Variants in BRWD1 observed in about 807,000 individuals in gnomAD.
BRWD1 encodes the protein bromodomain and WD repeat-containing protein 1.
In BRWD1, 82 loss-of-function variants were observed where a neutral mutation model predicts 251.2. The observed-to-expected ratio is 0.33, with a 90% CI of 0.27 to 0.39. The LOEUF (loss-of-function observed/expected upper bound fraction) is 0.39. BRWD1 is among the 10% of genes least tolerant of loss of function. The pLI is 1.00. For synonymous variants in BRWD1, 918 were observed against 902.8 expected (o/e 1.02, Z -0.30); for missense variants, 2,233 against 2,711.6 (o/e 0.82, Z 3.92).
rs1476113599 is a variant in BRWD1, at chr21:39,232,483, T to C, written c.2782A>G (p.Thr928Ala). 1 of 1,587,612 alleles carries C rather than the reference T, an allele frequency of 6.3e-7. No homozygotes were observed. The highest frequency in any genetic ancestry group is 1.4e-5 in the African/African-American group (1 of 73,132). Residue 928 changes from threonine (T) to alanine (A), a missense_variant, in exon 24 of 41, where the codon ACT becomes GCT. Thr to Ala is a moderately conservative substitution (Grantham distance 58, BLOSUM62 0). Coordinates refer to ENST00000342449, the MANE Select transcript of BRWD1 (RefSeq NM_033656.4). The part of the protein sequence containing the change: ...KPKKENLRRM[T>A]PAELANMEHL... The stretch of plus-strand genomic sequence containing the variant: ...TCCATATTTGCAAGCTCTGCTGGAG[T>C]CATCCTCCGCAAATTCTACCAAGGG...
chr21:39,197,509 T>C, intron 40 of BRWD1, 94 bp from the exon 41 acceptor site: 1 of 1,020,512 alleles, frequency 9.8e-7, no homozygotes, highest in Non-Finnish European at 1.4e-6. Context: ...TCGTATTAAT[T>C]TGAAGGGGGT....
At position 39,228,673 on chromosome 21, in the gene BRWD1, C is replaced by T. The variant is rs530389510; in HGVS notation, c.3126-91G>A. Reference sequence around the variant, plus strand: ...CTGTCCAAAAGAAACATGAGATCTACGAATGTAATTTTTAATTTTCAACCA... The same window carrying T: ...CTGTCCAAAAGAAACATGAGATCTATGAATGTAATTTTTAATTTTCAACCA... On this transcript the variant is annotated intron_variant, in intron 26 of 40. Coordinates refer to ENST00000342449, the MANE Select transcript of BRWD1 (RefSeq NM_033656.4). The T allele has an allele frequency of 8.8e-5, 55 of 624,346 alleles. No individual in the cohort carries two copies. The South Asian group carries it at 1.2e-3, about 14-fold the overall frequency. The allele number at this position is 624,346 out of a possible 1,614,324, so 38.7% of individuals were successfully genotyped here. A position where few individuals can be genotyped will look rare whatever the true frequency, so the allele number is the denominator to read the frequency against.
At chr21:39,286,082 T>C (rs533482615) in intron 8 of BRWD1, among the ~76,000 whole-genome samples, 1 of 145,218 alleles carries the variant, frequency 6.9e-6, no homozygotes, top group Admixed American at 7.2e-5. Context: ...TGGTGCGATC[T>C]CGGCTCACTG....
intron 8 of BRWD1, among the ~76,000 whole-genome samples, chr21:39,283,974 G>A (rs1185061610): frequency 2.0e-5 from 3 of 152,058 alleles, no homozygotes; most frequent in Admixed American, 1.3e-4. Flanking sequence ...ACAATCTCAT[G>A]TGTCTACTTC....
At chr21:39,205,566 G>A (rs1361973673) in intron 37 of BRWD1, among the ~76,000 whole-genome samples, 1 of 152,068 alleles carries the variant, frequency 6.6e-6, no homozygotes, top group Non-Finnish European at 1.5e-5. Context: ...GAGCTCAGGA[G>A]TTCGAGACCA....
chr21:39,212,588 G>C (rs2032707719), intron 34 of BRWD1, 78 bp downstream of exon 34: 1 of 1,208,352 alleles, frequency 8.3e-7, no homozygotes, highest in East Asian at 2.4e-5. Flanking sequence ...ACTTTTCAAA[G>C]ACAAAAACTA....
intron 4 of BRWD1, among the ~76,000 whole-genome samples, chr21:39,305,429 T>C (rs2036255337): frequency 2.0e-5 from 3 of 152,114 alleles, no homozygotes; most frequent in Admixed American, 2.0e-4. Flanking sequence ...CTACTCTCTT[T>C]TAAGGTAGCA....
chr21:39,310,000 T>C (rs2036427190), intron 4 of BRWD1, among the ~76,000 whole-genome samples: 1 of 152,196 alleles, frequency 6.6e-6, no homozygotes, highest in African/African-American at 2.4e-5. Flanking sequence ...TCCAACACAT[T>C]AACCAGTGAA....
chr21:39,225,146 A>G lies in BRWD1; in HGVS notation c.3260T>C (p.Leu1087Ser), dbSNP rs1334382426. Residue 1087 changes from leucine (L) to serine (S), a missense_variant, in exon 28 of 41, where the codon TTA (leucine) becomes TCA (serine). Coordinates refer to ENST00000342449, the MANE Select transcript of BRWD1 (RefSeq NM_033656.4). ...IDDAWWFGTV[L>S]SQEPYQPQYP... Reference sequence around the variant, plus strand: ...CTGTGGTTGATATGGCTCTTGACTTAACACTGTTCCAAACCACCAAGCATC... The same window carrying G: ...CTGTGGTTGATATGGCTCTTGACTTGACACTGTTCCAAACCACCAAGCATC... 12 of 1,613,538 alleles carry G rather than the reference A, an allele frequency of 7.4e-6. No individual in the cohort carries two copies. Among genetic ancestry groups the G allele is most frequent in the Non-Finnish European group, 1.0e-5 (12 of 1,179,708 alleles).
rs544985610 is a variant in BRWD1, at chr21:39,264,507, T to C, written c.1838A>G (p.Asn613Ser). The part of the protein sequence containing the change: ...KYQRLVPGRE[N>S]SADEHLIPQL... ...TGGAATCAAATGTTCATCTGCAGAA[T>C]TTTCTCGGCCTGGTACTAATCTCTG... Residue 613 changes from asparagine to serine, a missense_variant, in exon 17 of 41, where the codon AAT (asparagine) becomes AGT (serine). This residue lies in a region of BRWD1 where 315 missense variants were observed against 421.8 expected (regional missense o/e 0.75). Transcript: ENST00000342449. 1.3e-4 allele frequency: 208 copies of C among 1,611,920 alleles called. 2 individuals are homozygous for C. In the South Asian group the frequency reaches 2.2e-3, roughly 17 times the overall value.
At chr21:39,248,397 A>G (rs1017326686) in intron 20 of BRWD1, among the ~76,000 whole-genome samples, 2 of 151,994 alleles carry the variant, frequency 1.3e-5, no homozygotes, top group Non-Finnish European at 2.9e-5. Flanking sequence ...AGATCACTTG[A>G]GCCCAGGAGT....
rs1332500914 is a variant in BRWD1, at chr21:39,232,407, C to G, written c.2858G>C (p.Arg953Thr). The G allele has an allele frequency of 6.3e-7, 1 of 1,592,672 alleles. No homozygotes were observed. Among genetic ancestry groups the G allele is most frequent in the Non-Finnish European group, 8.5e-7 (1 of 1,174,848 alleles). The change falls in exon 24 of 41, where the codon AGA becomes ACA. Residue 953 changes from arginine (R) to threonine (T), a missense_variant. This residue lies in a region of BRWD1 where 139 missense variants were observed against 272.8 expected (regional missense o/e 0.51). Transcript: ENST00000342449. ...PPVWITDTTL[R>T]KSPFVPQMGD... ...CATTTGAGGAACAAAAGGAGATTTT[C>G]TAAGTGTGGTGTCAGTAATCCAAAC...
chr21:39,312,706 C>A, intron 4 of BRWD1, 135 bp downstream of exon 4: 1 of 481,180 alleles, frequency 2.1e-6, no homozygotes. Context: ...CAGCCGGGAA[C>A]GCAGCTATCC....
intron 4 of BRWD1, among the ~76,000 whole-genome samples, chr21:39,311,906 A>AC (rs1253350927): frequency 6.6e-6 from 1 of 152,142 alleles, no homozygotes; most frequent in Non-Finnish European, 1.5e-5. Context: ...ACCATACTCT[A>AC]CCACTCAAGT....
In BRWD1 at chr21:39,293,798, G is replaced by T; in HGVS notation, c.831+13C>A. 1 of 1,604,542 alleles carries T rather than the reference G, an allele frequency of 6.2e-7. No individual in the cohort carries two copies. Among genetic ancestry groups the T allele is most frequent in the Non-Finnish European group, 8.5e-7 (1 of 1,171,758 alleles). ...ATACATATAGGAATGTGCCCACTAA[G>T]CTACAAGTTTACCTGTAAAGATGTA... On this transcript the variant is annotated intron_variant, in intron 8 of 40. Transcript: ENST00000342449.
chr21:39,295,822 T>A lies in BRWD1; in HGVS notation c.530A>T (p.Lys177Ile), dbSNP rs1206420579. The change falls in exon 7 of 41, where the codon AAA (lysine) becomes ATA (isoleucine). Residue 177 changes from lysine (K) to isoleucine (I), a missense_variant. Lys to Ile is a moderately radical substitution (Grantham distance 102, BLOSUM62 -3). Coordinates refer to ENST00000342449, the MANE Select transcript of BRWD1 (RefSeq NM_033656.4). ...AFPGTMYQHI[K>I]MHRRILGHLS... ...ATGTCCGAGAATCCTTCTGTGCATT[T>A]TTATATGCTGATACATAGTTCCTGG... The A allele has an allele frequency of 6.2e-7, 1 of 1,612,482 alleles. No individual in the cohort carries two copies. The highest frequency in any genetic ancestry group is 1.7e-5 in the Admixed American group (1 of 59,950).
upstream of BRWD1, among the ~76,000 whole-genome samples, chr21:39,317,571 G>A (rs574797616): frequency 2.6e-5 from 4 of 152,344 alleles, no homozygotes; most frequent in African/African-American, 9.6e-5. Flanking sequence ...CACAAACACT[G>A]CAAAGTCCAT....
chr21:39,303,519 CAAAAAAAAAA>C (rs34013314), intron 4 of BRWD1, among the ~76,000 whole-genome samples: 21 of 91,696 alleles, frequency 2.3e-4, no homozygotes, highest in African/African-American at 7.1e-4. Context: ...ACTCCATCTC[CAAAAAAAAAA>C]AAAAAAAAAA....
At chr21:39,310,358 A>T (rs899675271) in intron 4 of BRWD1, among the ~76,000 whole-genome samples, 4 of 151,978 alleles carry the variant, frequency 2.6e-5, no homozygotes, top group Admixed American at 2.6e-4. Flanking sequence ...TCCACTAAAA[A>T]TATAAAAATT....
Sources: gnomAD v4.1 joint callset for allele counts (sites outside exome capture counted in the v4.1 genomes callset) on GRCh38, gnomAD v4.1.1 for gene constraint, gnomAD v4.1.1 regional missense constraint, MANE v1.5 for transcripts, NCBI Gene and HGNC (gene_info 2026-07-23, HGNC 2026-07-21) for gene names.